FCHSD2: variants seen among roughly 807,000 people sequenced by gnomAD.
The protein encoded by FCHSD2 is FCH and double SH3 domains 2.
A neutral mutation model predicts 108.1 loss-of-function variants in FCHSD2; 38 were observed. The ratio of observed to expected loss-of-function variants is 0.35; its 90% CI spans 0.27 to 0.46. FCHSD2 has a LOEUF of 0.46. Ranked by LOEUF, FCHSD2 falls within the 20% of genes least tolerant of loss-of-function variation. The probability of loss-of-function intolerance (pLI) is 1.00; values close to 1 mark genes in which losing one functional copy is unlikely to be tolerated. For missense variants in FCHSD2, 751 were observed against 897.8 expected, an observed-to-expected ratio of 0.84 and a Z score of 2.09; for synonymous variants, 279 against 314.7, an observed-to-expected ratio of 0.89 and a Z score of 1.20.
chr11:73,105,676 A>G (rs1860326007), intron 2 of FCHSD2, among the ~76,000 whole-genome samples: 1 of 152,234 alleles, frequency 6.6e-6, no homozygotes, highest in African/African-American at 2.4e-5. Context: ...AATATTTATT[A>G]TTAGGCTACA....
chr11:72,936,285 A>G (rs1856299345), intron 8 of FCHSD2, among the ~76,000 whole-genome samples: 1 of 152,178 alleles, frequency 6.6e-6, no homozygotes, highest in South Asian at 2.1e-4. Context: ...TGGGCTTCTG[A>G]GTCTGACTCT....
intron 8 of FCHSD2, among the ~76,000 whole-genome samples, chr11:72,975,676 AAT>A (rs796817777): frequency 4.1e-4 from 62 of 152,322 alleles, no homozygotes; most frequent in African/African-American, 1.4e-3. Flanking sequence ...TTTGTATATT[AAT>A]GTTTTTCTCT....
intron 5 of FCHSD2, among the ~76,000 whole-genome samples, chr11:72,992,859 AT>A (rs1401914405): frequency 1.3e-5 from 2 of 152,246 alleles, no homozygotes; most frequent in African/African-American, 4.8e-5. Context: ...CAAGGACTTC[AT>A]GTCTAAAACA....
rs573586129 is a variant in FCHSD2 at position 73,040,900 on chromosome 11, T to G, written c.166-25015A>C. ...CCCACAAACTGCTCCCCCCCCTCTTTGGTAACTATCATTCTACTCTCAATC... is the reference window on the plus strand; with the variant it reads ...CCCACAAACTGCTCCCCCCCCTCTTGGGTAACTATCATTCTACTCTCAATC... On this transcript the variant is annotated intron_variant, in intron 3 of 19. Coordinates refer to ENST00000409418, the MANE Select transcript of FCHSD2 (RefSeq NM_014824.3). Among the ~76,000 whole-genome samples the G allele has an allele frequency of 4.6e-5, 7 of 152,294 alleles. No individual in the cohort carries two copies. The South Asian group carries it at 1.5e-3, about 32-fold the overall frequency.
intron 4 of FCHSD2, among the ~76,000 whole-genome samples, chr11:73,005,440 T>G (rs1857718910): frequency 6.6e-6 from 1 of 152,152 alleles, no homozygotes; most frequent in Admixed American, 6.5e-5. Context: ...CTTCTTGAAA[T>G]GTTTTCTTCA....
At chr11:73,004,232 C>T (rs778627765) in intron 4 of FCHSD2, among the ~76,000 whole-genome samples, 7 of 151,216 alleles carry the variant, frequency 4.6e-5, no homozygotes, top group Admixed American at 1.3e-4. Context: ...TAATCCTCAT[C>T]GTAATTCTGT....
chr11:72,918,367 C>G (rs1591397633), intron 9 of FCHSD2, among the ~76,000 whole-genome samples: 1 of 152,040 alleles, frequency 6.6e-6, no homozygotes, highest in Non-Finnish European at 1.5e-5. Context: ...ATTTGGCTGC[C>G]TTTTATTTCT....
intron 2 of FCHSD2, among the ~76,000 whole-genome samples, chr11:73,090,030 C>G (rs541662887): frequency 6.6e-6 from 1 of 151,722 alleles, no homozygotes; most frequent in Non-Finnish European, 1.5e-5. Context: ...CAGGAATATA[C>G]CTAAATATAT....
At chr11:73,112,807 C>A (rs140230474) in intron 2 of FCHSD2, among the ~76,000 whole-genome samples, 1 of 152,112 alleles carries the variant, frequency 6.6e-6, no homozygotes, top group Non-Finnish European at 1.5e-5. Context: ...CACTATCATG[C>A]CTGGCTAACA....
At chr11:73,006,167 A>T (rs1204333655) in intron 4 of FCHSD2, among the ~76,000 whole-genome samples, 1 of 151,818 alleles carries the variant, frequency 6.6e-6, no homozygotes, top group South Asian at 2.1e-4. Context: ...TTAGCCTCCT[A>T]AAGTTCTGGG....
chr11:72,940,978 ATG>A (rs1856405242), intron 8 of FCHSD2: 1 of 751,452 alleles, frequency 1.3e-6, no homozygotes, highest in African/African-American at 1.7e-5. Flanking sequence ...GCACAGGGAG[ATG>A]TGTGGGCTGA....
At chr11:72,859,590 C>A (rs939922616) in intron 13 of FCHSD2, among the ~76,000 whole-genome samples, 1 of 152,100 alleles carries the variant, frequency 6.6e-6, no homozygotes, top group African/African-American at 2.4e-5. Flanking sequence ...AGGTTCGGTA[C>A]TATCTGTGAC....
intron 2 of FCHSD2, among the ~76,000 whole-genome samples, chr11:73,116,976 T>G (rs1860619613): frequency 6.6e-6 from 1 of 152,112 alleles, no homozygotes; most frequent in African/African-American, 2.4e-5. Flanking sequence ...TTGTTATATC[T>G]CTGTTTCATT....
intron 2 of FCHSD2, among the ~76,000 whole-genome samples, chr11:73,133,485 T>C (rs758827026): frequency 1.1e-4 from 17 of 152,052 alleles, no homozygotes; most frequent in Non-Finnish European, 2.2e-4. Flanking sequence ...TTGAAAACAT[T>C]ACACCAGGCT....
intron 8 of FCHSD2, among the ~76,000 whole-genome samples, chr11:72,959,786 T>G (rs1856787690): frequency 6.6e-6 from 1 of 152,082 alleles, no homozygotes; most frequent in South Asian, 2.1e-4. Context: ...AGACAGATCA[T>G]GTACATTATA....
chr11:72,938,135 T>C (rs1004762913), intron 8 of FCHSD2, among the ~76,000 whole-genome samples: 2 of 151,632 alleles, frequency 1.3e-5, no homozygotes, highest in Non-Finnish European at 2.9e-5. Flanking sequence ...TGAAGAGTGC[T>C]GAAGGTAAGA....
chr11:72,874,903 G>A (rs1321544183), intron 12 of FCHSD2, among the ~76,000 whole-genome samples: 1 of 152,160 alleles, frequency 6.6e-6, no homozygotes, highest in Non-Finnish European at 1.5e-5. Flanking sequence ...TGGCATTCCA[G>A]ATACTACTTG....
chr11:72,959,320 C>T (rs1330826940), intron 8 of FCHSD2, among the ~76,000 whole-genome samples: 2 of 149,398 alleles, frequency 1.3e-5, no homozygotes, highest in Non-Finnish European at 3.0e-5. Context: ...AGCTCCACCC[C>T]CCAGGTTCAC....
At chr11:73,118,305 C>A (rs1435985131) in intron 2 of FCHSD2, among the ~76,000 whole-genome samples, 1 of 152,232 alleles carries the variant, frequency 6.6e-6, no homozygotes, top group East Asian at 1.9e-4. Flanking sequence ...GGTGACAGAG[C>A]AAGACTCCAT....
Sources: gnomAD v4.1 joint callset for allele counts (sites outside exome capture counted in the v4.1 genomes callset) on GRCh38, gnomAD v4.1.1 for gene constraint, MANE v1.5 for transcripts, NCBI Gene and HGNC (gene_info 2026-07-23, HGNC 2026-07-21) for gene names.